Variants in KLHDC8B observed in about 807,000 individuals in gnomAD.
KLHDC8B encodes kelch domain-containing protein 8B.
KLHDC8B carries 19 observed loss-of-function variants against 26.3 expected under a neutral mutation model. The observed-to-expected ratio is 0.72, with a 90% confidence interval of 0.50 to 1.06. KLHDC8B has a LOEUF of 1.06. KLHDC8B is among the 50% of genes least tolerant of loss of function. The pLI, the probability that KLHDC8B is intolerant of heterozygous loss-of-function variation, is 0.00. For synonymous variants in KLHDC8B, 150 were observed against 188.4 expected, an observed-to-expected ratio of 0.80 and a Z score of 1.67; for missense variants, 411 against 488.1, an observed-to-expected ratio of 0.84 and a Z score of 1.49.
chr3:49,174,938 C>G lies in KLHDC8B; in HGVS notation c.738C>G (p.Asn246Lys). 6.2e-7 allele frequency: 1 copy of G among 1,614,156 alleles called. No homozygotes were observed. Among genetic ancestry groups the G allele is most frequent in the Non-Finnish European group, 8.5e-7 (1 of 1,180,052 alleles). The change falls in exon 4 of 6, where the codon AAC becomes AAG. Residue 246 changes from asparagine (N) to lysine (K), a missense_variant. Physicochemically the swap from Asn to Lys is moderately conservative, Grantham distance 94. Coordinates refer to ENST00000332780, the MANE Select transcript of KLHDC8B (RefSeq NM_173546.3). ...TCTACTCTCGCCCACACTTTGTCAA[C>G]ACTGTGGAGATGTTTGACCTGGAGC... Reference protein sequence around the residue: ...HNFYSRPHFVNTVEMFDLEHG... With the variant: ...HNFYSRPHFVKTVEMFDLEHG...
At position 49,174,336 on chromosome 3, in the gene KLHDC8B, A is replaced by G. The variant is rs1389640662; in HGVS notation, c.474A>G (p.Leu158=). The G allele has an allele frequency of 6.2e-7, 1 of 1,613,654 alleles. No individual in the cohort carries two copies. The highest frequency in any genetic ancestry group is 8.5e-7 in the Non-Finnish European group (1 of 1,179,868). ...YEPRRDCWLS[L]PSMPTPCYGA... is the part of the protein sequence containing the mutation. ...CCCGTCGGGACTGCTGGCTTTCGCT[A>G]CCCTCCATGCCCACACCCTGCTATG... The change falls in exon 3 of 6, where the codon CTA becomes CTG. Residue 158 remains leucine (L), a synonymous_variant. Coordinates refer to ENST00000332780, the MANE Select transcript of KLHDC8B (RefSeq NM_173546.3).
Position 49,172,750 on chromosome 3 carries a change from TGCC to T in KLHDC8B, c.-19_-17del. 1 of 1,600,702 alleles carries T rather than the reference TGCC, an allele frequency of 6.2e-7. No individual in the cohort carries two copies. The highest frequency in any genetic ancestry group is 8.5e-7 in the Non-Finnish European group (1 of 1,173,336). ...TACAGTCTGAGCAGACAGCATGGCC[TGCC>T]ACTGGCAGTGAACACCATGTCTGCA... On this transcript the variant is annotated 5_prime_UTR_variant, in exon 2 of 6. Coordinates refer to ENST00000332780, the MANE Select transcript of KLHDC8B (RefSeq NM_173546.3).
chr3:49,172,643 C>T lies in KLHDC8B; in HGVS notation c.-127C>T. ...TTTCCCTCTTTCCTCCAGGTGAAGGCAAGGTCCCTGGACTGGTCATATACC... is the reference window on the plus strand; with the variant it reads ...TTTCCCTCTTTCCTCCAGGTGAAGGTAAGGTCCCTGGACTGGTCATATACC... On this transcript the variant is annotated 5_prime_UTR_variant, in exon 2 of 6. Coordinates refer to ENST00000332780, the MANE Select transcript of KLHDC8B (RefSeq NM_173546.3). 1.1e-6 allele frequency: 1 copy of T among 915,058 alleles called. No homozygotes were observed. The highest frequency in any genetic ancestry group is 1.6e-6 in the Non-Finnish European group (1 of 619,524). 56.7% of individuals were successfully genotyped at this position (915,058 alleles called of 1,614,324 possible).
At position 49,174,737 on chromosome 3, in the gene KLHDC8B, G is replaced by C. The variant is rs1157533820; in HGVS notation, c.542-5G>C. On this transcript the variant is annotated splice_region_variant and splice_polypyrimidine_tract_variant and intron_variant, in intron 3 of 5. Transcript: ENST00000332780. ...CCTTCCCAGGTACCCCAATTCCATTGACAGGGGGCCGCCAGGGCAAGCTCC... is the reference window on the plus strand; with the variant it reads ...CCTTCCCAGGTACCCCAATTCCATTCACAGGGGGCCGCCAGGGCAAGCTCC... 6 of 1,598,684 alleles carry C rather than the reference G, an allele frequency of 3.8e-6. No individual in the cohort carries two copies. The highest frequency in any genetic ancestry group is 5.1e-6 in the Non-Finnish European group (6 of 1,170,314).
chr3:49,174,262 G>T lies in KLHDC8B; in HGVS notation c.400G>T (p.Gly134Ter), dbSNP rs2045797845. Reference protein sequence around the residue: ...ERDGMVYALGGMGPDTAPQAQ... With the variant: ...ERDGMVYALG ...AGATGGTATGGTGTATGCTCTGGGGGGAATGGGCCCTGACACGGCCCCCCA... is the reference window on the plus strand; with the variant it reads ...AGATGGTATGGTGTATGCTCTGGGGTGAATGGGCCCTGACACGGCCCCCCA... The change falls in exon 3 of 6, where the codon GGA becomes TGA. Residue 134 changes from glycine to a stop codon, truncating the protein, a stop_gained. Transcript: ENST00000332780. LOFTEE classifies it high-confidence loss of function. The T allele has an allele frequency of 6.2e-7, 1 of 1,613,492 alleles. No homozygotes were observed. Among genetic ancestry groups the T allele is most frequent in the Non-Finnish European group, 8.5e-7 (1 of 1,179,618 alleles).
intron 5 of KLHDC8B, 139 bp from the exon 6 acceptor site, chr3:49,175,466 A>C (rs1380239120): frequency 1.5e-6 from 1 of 672,288 alleles, no homozygotes; most frequent in Non-Finnish European, 2.6e-6. Context: ...CAAATGATGA[A>C]CATAGGCAAT....
At position 49,173,003 on chromosome 3, in the gene KLHDC8B, C is replaced by T. The variant is rs770662379; in HGVS notation, c.234C>T (p.Gly78=). 1 of 1,613,802 alleles carries T rather than the reference C, an allele frequency of 6.2e-7. No individual in the cohort carries two copies. Among genetic ancestry groups the T allele is most frequent in the East Asian group, 2.2e-5 (1 of 44,876 alleles). The change falls in exon 2 of 6, where the codon GGC becomes GGT. Residue 78 remains glycine, a synonymous_variant. Coordinates refer to ENST00000332780, the MANE Select transcript of KLHDC8B (RefSeq NM_173546.3). ...CTGGTGCAGCTGCGGTAGTTCTGGG[C>T]AAGCAGGTGCTAGTGGTGGGTGGTG... is the stretch of plus-strand genomic sequence containing the variant. ...ARAGAAAVVL[G]KQVLVVGGVD...
chr3:49,175,881 A>G lies in KLHDC8B; in HGVS notation c.*80A>G, dbSNP rs1372535624. On this transcript the variant is annotated 3_prime_UTR_variant, in exon 6 of 6. Transcript: ENST00000332780. ...TATGGCTCCTTTTGCTGCTGAGGACACTCACTGTGGCTCTGTGGGATGAGA... is the reference window on the plus strand; with the variant it reads ...TATGGCTCCTTTTGCTGCTGAGGACGCTCACTGTGGCTCTGTGGGATGAGA... 7.2e-7 allele frequency: 1 copy of G among 1,396,502 alleles called. No individual in the cohort carries two copies. The highest frequency in any genetic ancestry group is 1.8e-5 in the Admixed American group (1 of 56,196). The allele number at this position is 1,396,502 out of a possible 1,614,324, so 86.5% of individuals were successfully genotyped here. A position where few individuals can be genotyped will look rare whatever the true frequency, so the allele number is the denominator to read the frequency against.
chr3:49,175,237 CT>C, intron 5 of KLHDC8B, 74 bp downstream of exon 5: 1 of 1,244,176 alleles, frequency 8.0e-7, no homozygotes, highest in Non-Finnish European at 1.1e-6. Context: ...TGTGTGTCAC[CT>C]TCTGCCCATC....
At chr3:49,172,496 G>A in intron 1 of KLHDC8B, 140 bp from the exon 2 acceptor site, 1 of 499,280 alleles carries the variant, frequency 2.0e-6, no homozygotes, top group Non-Finnish European at 3.6e-6. Context: ...ACAGTGGTGT[G>A]CTAGCCAGAG....
rs1043772443 is a variant in KLHDC8B, at chr3:49,172,860, G to A, written c.91G>A (p.Gly31Arg). Residue 31 changes from glycine to arginine, a missense_variant, in exon 2 of 6, where the codon GGG (glycine) becomes AGG (arginine). Physicochemically the swap from Gly to Arg is moderately radical, Grantham distance 125 (BLOSUM62 -2). Transcript: ENST00000332780. ...CTATGGCACAGTGGCACACCAAGAT[G>A]GGCACCTGCTGGTGTTGGGGGGTTG... ...RVYGTVAHQD[G>R]HLLVLGGCGR... is the part of the protein sequence containing the mutation. 1.2e-6 allele frequency: 2 copies of A among 1,614,118 alleles called. No individual in the cohort carries two copies. The highest frequency in any genetic ancestry group is 1.7e-6 in the Non-Finnish European group (2 of 1,180,032).
chr3:49,175,121 G>A lies in KLHDC8B; in HGVS notation c.826G>A (p.Val276Ile). 2 of 1,614,176 alleles carry A rather than the reference G, an allele frequency of 1.2e-6. No individual in the cohort carries two copies. Among genetic ancestry groups the A allele is most frequent in the Non-Finnish European group, 8.5e-7 (1 of 1,180,028 alleles). ...RMRDKRADFV[V>I]GSLGGHIVAI... ...GAGGGATAAGAGGGCAGACTTTGTG[G>A]TTGGGTCCCTTGGGGGCCACATTGT... Residue 276 changes from valine to isoleucine, a missense_variant, in exon 5 of 6, where the codon GTT becomes ATT. Coordinates refer to ENST00000332780, the MANE Select transcript of KLHDC8B (RefSeq NM_173546.3).
At chr3:49,173,576 T>C (rs1174766193) in intron 2 of KLHDC8B, among the ~76,000 whole-genome samples, 1 of 152,190 alleles carries the variant, frequency 6.6e-6, no homozygotes, top group Non-Finnish European at 1.5e-5. Flanking sequence ...AAGGCCAAGC[T>C]GATCTGGGAT....
intron 1 of KLHDC8B, among the ~76,000 whole-genome samples, 184 bp from the exon 2 acceptor site, chr3:49,172,452 G>A (rs2045776099): frequency 6.6e-6 from 1 of 152,124 alleles, no homozygotes; most frequent in Non-Finnish European, 1.5e-5. Context: ...GGGTACCTGG[G>A]GCCTGCCCTC....
At chr3:49,172,016 G>A (rs1312268727) in intron 1 of KLHDC8B, among the ~76,000 whole-genome samples, 1 of 152,192 alleles carries the variant, frequency 6.6e-6, no homozygotes, top group Non-Finnish European at 1.5e-5. Flanking sequence ...GCTTCTGGGG[G>A]GGTTTGGAAT....
chr3:49,174,944 G>C lies in KLHDC8B; in HGVS notation c.744G>C (p.Val248=), dbSNP rs1414143792. 1 of 1,614,100 alleles carries C rather than the reference G, an allele frequency of 6.2e-7. No individual in the cohort carries two copies. The highest frequency in any genetic ancestry group is 1.6e-4 in the Middle Eastern group (1 of 6,062). The change falls in exon 4 of 6, where the codon GTG becomes GTC. Residue 248 remains valine (V), a synonymous_variant. Transcript: ENST00000332780. ...CTCGCCCACACTTTGTCAACACTGTGGAGATGTTTGACCTGGAGCATGGTG... is the reference window on the plus strand; with the variant it reads ...CTCGCCCACACTTTGTCAACACTGTCGAGATGTTTGACCTGGAGCATGGTG... The part of the protein sequence containing the change: ...FYSRPHFVNT[V]EMFDLEHGSW...
chr3:49,174,107 A>T, intron 2 of KLHDC8B, 132 bp from the exon 3 acceptor site: 1 of 595,938 alleles, frequency 1.7e-6, no homozygotes, highest in Non-Finnish European at 2.9e-6. Context: ...CAGGTAGTAG[A>T]GTGTCTGTTG....
intron 2 of KLHDC8B, 36 bp downstream of exon 2, chr3:49,173,181 C>T (rs1379406887): frequency 6.5e-7 from 1 of 1,526,738 alleles, no homozygotes; most frequent in Non-Finnish European, 8.8e-7. Context: ...TTCAGGTACC[C>T]TAACACCTTT....
In KLHDC8B at chr3:49,174,259, G is replaced by C; in HGVS notation, c.397G>C (p.Gly133Arg). ...VERDGMVYAL[G>R]GMGPDTAPQA... ...TGCAGATGGTATGGTGTATGCTCTG[G>C]GGGGAATGGGCCCTGACACGGCCCC... The change falls in exon 3 of 6, where the codon GGG becomes CGG. Residue 133 changes from glycine (G) to arginine (R), a missense_variant. Transcript: ENST00000332780. The C allele has an allele frequency of 1.2e-6, 2 of 1,613,410 alleles. No homozygotes were observed. The highest frequency in any genetic ancestry group is 2.2e-5 in the East Asian group (1 of 44,864).
Sources: gnomAD v4.1 joint callset for allele counts (sites outside exome capture counted in the v4.1 genomes callset) on GRCh38, gnomAD v4.1.1 for gene constraint, MANE v1.5 for transcripts, NCBI Gene and HGNC (gene_info 2026-07-23, HGNC 2026-07-21) for gene names.